PIK3CD: variants seen among roughly 807,000 people sequenced by gnomAD.
PIK3CD encodes the protein phosphatidylinositol-4,5-bisphosphate 3-kinase catalytic subunit delta.
In PIK3CD, 20 loss-of-function variants were observed where a neutral mutation model predicts 122.9. That is an observed-to-expected ratio of 0.16 (90% CI 0.11 to 0.24). The LOEUF (loss-of-function observed/expected upper bound fraction) is 0.24, where lower values mean the gene tolerates loss of function less well. PIK3CD is among the 10% of genes least tolerant of loss of function. PIK3CD has a pLI of 1.00. For missense variants in PIK3CD, 787 were observed against 1,406.3 expected (o/e 0.56, Z 7.04); for synonymous variants, 596 against 593.4 (o/e 1.00, Z -0.06).
chr1:9,680,314 A>G (rs1645701412), intron 1 of PIK3CD, among the ~76,000 whole-genome samples: 1 of 152,088 alleles, frequency 6.6e-6, no homozygotes, highest in Non-Finnish European at 1.5e-5. Flanking sequence ...TGCAACCATC[A>G]GCATCATAAA....
At chr1:9,672,373 T>C (rs1645356888) in intron 1 of PIK3CD, 1 of 152,128 alleles carries the variant, frequency 6.6e-6, no homozygotes, top group African/African-American at 2.4e-5. Flanking sequence ...TGTGGATTAG[T>C]ACCAAAGAGG....
chr1:9,681,361 T>C (rs1444420236), intron 1 of PIK3CD, among the ~76,000 whole-genome samples: 1 of 152,146 alleles, frequency 6.6e-6, no homozygotes, highest in African/African-American at 2.4e-5. Flanking sequence ...CCTCACCCTC[T>C]CAAGCAGCTG....
At chr1:9,701,939 C>A (rs1646647831) in intron 2 of PIK3CD, among the ~76,000 whole-genome samples, 1 of 151,694 alleles carries the variant, frequency 6.6e-6, no homozygotes, top group African/African-American at 2.4e-5. Context: ...GTGCCCAGAA[C>A]ATTCTTCTAC....
intron 1 of PIK3CD, among the ~76,000 whole-genome samples, chr1:9,663,190 C>T (rs1230648264): frequency 1.3e-5 from 2 of 152,216 alleles, no homozygotes; most frequent in Non-Finnish European, 1.5e-5. Context: ...AAGCCCACTC[C>T]AAGTCAGCGT....
At chr1:9,658,930 T>G (rs115810122) in intron 1 of PIK3CD, among the ~76,000 whole-genome samples, 2,770 of 152,264 alleles carry the variant, frequency 0.018, 73 homozygotes, top group African/African-American at 0.061. Context: ...ATTTTGTATA[T>G]TATCCTGTGT....
At chr1:9,697,885 A>G (rs1036702883) in intron 2 of PIK3CD, among the ~76,000 whole-genome samples, 1 of 148,632 alleles carries the variant, frequency 6.7e-6, no homozygotes, top group African/African-American at 2.5e-5. Context: ...GCAAAGGAGT[A>G]TCTGGGTGTG....
intron 2 of PIK3CD, among the ~76,000 whole-genome samples, chr1:9,706,697 A>G (rs1417785542): frequency 2.6e-5 from 4 of 152,164 alleles, no homozygotes; most frequent in Non-Finnish European, 5.9e-5. Context: ...TTCTCTATTG[A>G]TTATGTGTTA....
the PIK3CD span, among the ~76,000 whole-genome samples, chr1:9,628,591 G>A: frequency 2.0e-5 from 3 of 152,212 alleles, no homozygotes; most frequent in African/African-American, 4.8e-5. Context: ...GGTGAGTGGA[G>A]GCCACAGCTC....
At position 9,716,112 on chromosome 1, in the gene PIK3CD, G is replaced by T. The variant is rs752142870; in HGVS notation, c.600+34G>T. ...ATGCGTGGCCTGCGGCATCCAGGCT[G>T]CTCTGTCCATGGGGAGCACTTCCTC... On this transcript the variant is annotated intron_variant, in intron 5 of 23. Coordinates refer to ENST00000377346, the MANE Select transcript of PIK3CD (RefSeq NM_005026.5). 9 of 1,545,374 alleles carry T rather than the reference G, an allele frequency of 5.8e-6. No homozygotes were observed. The East Asian group carries it at 1.8e-4, about 31-fold the overall frequency.
intron 3 of PIK3CD, among the ~76,000 whole-genome samples, chr1:9,711,360 G>A (rs1647046238): frequency 6.6e-6 from 1 of 152,170 alleles, no homozygotes; most frequent in Non-Finnish European, 1.5e-5. Context: ...CTCTTAAAGT[G>A]TTGGAATTAC....
At chr1:9,708,749 T>A (rs796112429) in intron 2 of PIK3CD, among the ~76,000 whole-genome samples, 6 of 151,998 alleles carry the variant, frequency 3.9e-5, no homozygotes, top group South Asian at 2.1e-4. Flanking sequence ...CTCGGGAGGC[T>A]GAGGCAGGAG....
At chr1:9,629,867 C>T in the PIK3CD span, among the ~76,000 whole-genome samples, 6 of 152,338 alleles carry the variant, frequency 3.9e-5, no homozygotes, top group South Asian at 1.2e-3. Flanking sequence ...TCGCTCTCCA[C>T]TTCCTGTTTT....
chr1:9,632,854 C>T, the PIK3CD span, among the ~76,000 whole-genome samples: 2 of 143,826 alleles, frequency 1.4e-5, no homozygotes, highest in African/African-American at 5.0e-5. Context: ...ACCTTAGCAA[C>T]CTGATTCTTT....
chr1:9,653,916 C>T lies in PIK3CD; in HGVS notation c.-138+2114C>T, dbSNP rs957903058. On this transcript the variant is annotated intron_variant, in intron 1 of 23. Transcript: ENST00000377346. ...TGGGCTGGAGGAGTGCTCTTAAAACCCAGTTGTGGCTGAGAGCGGTAGCTC... is the reference window on the plus strand; with the variant it reads ...TGGGCTGGAGGAGTGCTCTTAAAACTCAGTTGTGGCTGAGAGCGGTAGCTC... 5.9e-6 allele frequency: 8 copies of T among 1,366,646 alleles called. No individual in the cohort carries two copies. The African/African-American group carries it at 1.0e-4, about 18-fold the overall frequency. The allele number at this position is 1,366,646 out of a possible 1,614,324, so 84.7% of individuals were successfully genotyped here.
Position 9,655,066 on chromosome 1 carries a change from C to CAAA in PIK3CD, c.-138+3276_-138+3278dup, listed in dbSNP as rs201406696. 3.6e-3 allele frequency among the ~76,000 whole-genome samples: 447 copies of CAAA among 124,864 alleles called. 5 individuals are homozygous for CAAA. Among genetic ancestry groups the CAAA allele is most frequent in the East Asian group, 0.024 (111 of 4,632 alleles). The allele number at this position is 124,864 out of a possible 152,430, so 81.9% of individuals were successfully genotyped here. ...TGGGCAACAGAGTGAGACTACATTT[C>CAAA]AAAAAAAAAAAAAAGAAAAAAAAGC... On this transcript the variant is annotated intron_variant, in intron 1 of 23. Transcript: ENST00000377346.
At chr1:9,691,824 TG>T (rs1646207461) in intron 2 of PIK3CD, 1 of 337,810 alleles carries the variant, frequency 3.0e-6, no homozygotes, top group Non-Finnish European at 5.3e-6. Context: ...GGAATGGCTT[TG>T]CTTTGAGGAG....
At chr1:9,703,090 G>A (rs185573894) in intron 2 of PIK3CD, among the ~76,000 whole-genome samples, 28 of 152,288 alleles carry the variant, frequency 1.8e-4, no homozygotes, top group Admixed American at 1.6e-3. Flanking sequence ...CTCTTCTCAA[G>A]TTCTGCCCCT....
At chr1:9,699,886 C>A (rs995254772) in intron 2 of PIK3CD, among the ~76,000 whole-genome samples, 2 of 152,208 alleles carry the variant, frequency 1.3e-5, no homozygotes, top group African/African-American at 4.8e-5. Flanking sequence ...AGCCACCGCC[C>A]CCGGCCCAGG....
chr1:9,704,538 G>A lies in PIK3CD; in HGVS notation c.-32-5886G>A, dbSNP rs1342435246. ...TTGTTTTGTTTTGTTTTTGAGACAG[G>A]GTCTCACTCTATTGCCCAGGCTGGA... On this transcript the variant is annotated intron_variant, in intron 2 of 23. Transcript: ENST00000377346. The surrounding 1 kb of genome is among the most constrained non-coding windows in gnomAD (Gnocchi z 5.0). Among the ~76,000 whole-genome samples, 2 of 152,050 alleles carry A rather than the reference G, an allele frequency of 1.3e-5. No homozygotes were observed. The highest frequency in any genetic ancestry group is 4.8e-5 in the African/African-American group (2 of 41,402).
Sources: gnomAD v4.1 joint callset for allele counts (sites outside exome capture counted in the v4.1 genomes callset) on GRCh38, gnomAD v4.1.1 for gene constraint, Gnocchi (gnomAD v3.1) non-coding constraint, MANE v1.5 for transcripts, NCBI Gene and HGNC (gene_info 2026-07-23, HGNC 2026-07-21) for gene names.